Variants in RC3H1 observed in about 807,000 individuals in gnomAD.
The protein encoded by RC3H1 is ring finger and CCCH-type domains 1, also known as roquin-1.
RC3H1 carries 50 observed loss-of-function variants against 138.2 expected under a neutral mutation model. The ratio of observed to expected loss-of-function variants is 0.36; its 90% CI spans 0.29 to 0.46. The LOEUF (loss-of-function observed/expected upper bound fraction) is 0.46. Ranked by LOEUF, RC3H1 falls within the 20% of genes least tolerant of loss-of-function variation. The pLI is 1.00. For synonymous variants in RC3H1, 462 were observed against 489.1 expected, an observed-to-expected ratio of 0.94 and a Z score of 0.73; for missense variants, 1,031 against 1,388.1, an observed-to-expected ratio of 0.74 and a Z score of 4.09.
intron 18 of RC3H1, 82 bp from the exon 19 acceptor site, chr1:173,941,462 GTGA>G: frequency 1.3e-6 from 1 of 795,262 alleles, no homozygotes; most frequent in Non-Finnish European, 2.1e-6. Flanking sequence ...ATAATACAAA[GTGA>G]TGATCCAGAA....
chr1:174,018,365 G>T (rs1171503753), intron 1 of RC3H1, among the ~76,000 whole-genome samples: 2 of 151,928 alleles, frequency 1.3e-5, no homozygotes, highest in African/African-American at 4.8e-5. Context: ...AAGTAAACAA[G>T]AATATTATAT....
chr1:173,964,516 T>C (rs1017960107), intron 10 of RC3H1, among the ~76,000 whole-genome samples: 5 of 152,028 alleles, frequency 3.3e-5, no homozygotes, highest in Admixed American at 2.0e-4. Context: ...TACAGGCATG[T>C]GCCACCATGC....
At chr1:173,953,761 G>A (rs971067658) in intron 13 of RC3H1, among the ~76,000 whole-genome samples, 1 of 152,114 alleles carries the variant, frequency 6.6e-6, no homozygotes, top group African/African-American at 2.4e-5. Context: ...TAATGAGGCT[G>A]GGCAAGGTGG....
chr1:173,978,984 T>A lies in RC3H1; in HGVS notation c.970-364A>T, dbSNP rs192115869. 2.8e-3 allele frequency among the ~76,000 whole-genome samples: 434 copies of A among 152,334 alleles called. 1 individual carries two copies. The highest frequency in any genetic ancestry group is 9.6e-3 in the African/African-American group (400 of 41,572). ...GCTTTCCTCATCGCTTTTAATAAAT[T>A]CTCTTTTCTATTATCCAATATGGTG... On this transcript the variant is annotated intron_variant, in intron 6 of 19. Transcript: ENST00000367696.
intron 2 of RC3H1, among the ~76,000 whole-genome samples, chr1:173,986,716 C>A (rs940759818): frequency 6.6e-6 from 1 of 152,200 alleles, no homozygotes; most frequent in African/African-American, 2.4e-5. Context: ...GCATGCGCCA[C>A]CACGCCTGGC....
chr1:173,960,375 C>T (rs1157909587), intron 13 of RC3H1, among the ~76,000 whole-genome samples: 3 of 152,116 alleles, frequency 2.0e-5, no homozygotes, highest in African/African-American at 7.2e-5. Flanking sequence ...TTGGTGGCCA[C>T]ATTAACAACA....
intron 8 of RC3H1, among the ~76,000 whole-genome samples, chr1:173,970,818 G>C (rs1208673783): frequency 6.6e-6 from 1 of 152,072 alleles, no homozygotes; most frequent in Non-Finnish European, 1.5e-5. Flanking sequence ...AAAGAAGGTA[G>C]TCCTAATTTT....
chr1:173,980,068 G>T (rs1200305262), intron 6 of RC3H1, among the ~76,000 whole-genome samples: 3 of 148,244 alleles, frequency 2.0e-5, no homozygotes, highest in African/African-American at 7.4e-5. Context: ...TGGTAGAGAT[G>T]AGTGTCCCAA....
chr1:173,962,614 A>G (rs937708660), intron 11 of RC3H1, among the ~76,000 whole-genome samples: 1 of 152,238 alleles, frequency 6.6e-6, no homozygotes, highest in Non-Finnish European at 1.5e-5. Context: ...TGATCTTGGA[A>G]TTAAGCAGTT....
intron 1 of RC3H1, chr1:174,015,909 A>ATAAAAG (rs1237819452): frequency 2.0e-5 from 3 of 152,050 alleles, no homozygotes; most frequent in Non-Finnish European, 4.4e-5. Flanking sequence ...CTACTTCAAG[A>ATAAAAG]TAAAAGTTCG....
Position 173,938,799 on chromosome 1 carries a change from G to C in RC3H1, c.3324C>G (p.Asn1108Lys). Residue 1108 changes from asparagine to lysine, a missense_variant, in exon 20 of 20, where the codon AAC becomes AAG. Asn to Lys is a moderately conservative substitution (Grantham distance 94, BLOSUM62 0). This residue lies in a region of RC3H1 where 716 missense variants were observed against 837.9 expected (regional missense o/e 0.85). Transcript: ENST00000367696. ...SLLSNKTSSLNLSEDPEGGGD... is the reference protein window; with the variant it reads ...SLLSNKTSSLKLSEDPEGGGD... ...CTCCTCCCTCAGGGTCCTCTGACAG[G>C]TTCAGAGAGCTGGTCTTGTTTGATA... The C allele has an allele frequency of 6.2e-7, 1 of 1,612,564 alleles. No individual in the cohort carries two copies. The highest frequency in any genetic ancestry group is 8.5e-7 in the Non-Finnish European group (1 of 1,178,660).
chr1:173,981,692 T>G (rs1411441824), intron 5 of RC3H1, among the ~76,000 whole-genome samples: 1 of 152,194 alleles, frequency 6.6e-6, no homozygotes. Flanking sequence ...TGATTTAATT[T>G]GTACTTGGCT....
chr1:174,002,509 C>T (rs928830443), intron 1 of RC3H1, among the ~76,000 whole-genome samples: 5 of 152,200 alleles, frequency 3.3e-5, no homozygotes, highest in Admixed American at 2.6e-4. Context: ...TCTTTCCCCA[C>T]TGGCATGCTT....
intron 1 of RC3H1, among the ~76,000 whole-genome samples, chr1:174,003,997 CTCAG>C (rs1299864636): frequency 6.7e-6 from 1 of 150,026 alleles, no homozygotes; most frequent in African/African-American, 2.4e-5. Flanking sequence ...TGGTATGTCA[CTCAG>C]TCACTGAAGT....
intron 3 of RC3H1, among the ~76,000 whole-genome samples, chr1:173,983,919 G>C (rs1376041538): frequency 6.6e-6 from 1 of 152,080 alleles, no homozygotes; most frequent in Non-Finnish European, 1.5e-5. Context: ...TTTAATCATA[G>C]AGGAAGAAAG....
At chr1:173,995,953 G>C (rs576386066) in intron 1 of RC3H1, among the ~76,000 whole-genome samples, 1 of 152,154 alleles carries the variant, frequency 6.6e-6, no homozygotes, top group South Asian at 2.1e-4. Flanking sequence ...ACCAGAAATC[G>C]ATGCAATTGA....
chr1:173,939,800 A>C (rs989024845), intron 19 of RC3H1, among the ~76,000 whole-genome samples: 2 of 151,854 alleles, frequency 1.3e-5, no homozygotes, highest in African/African-American at 4.8e-5. Flanking sequence ...ATGCCATTGC[A>C]CTCCAGCCTG....
intron 13 of RC3H1, among the ~76,000 whole-genome samples, chr1:173,955,367 G>T (rs137897099): frequency 0.011 from 1,655 of 147,438 alleles, 40 homozygotes; most frequent in African/African-American, 0.04. Flanking sequence ...ACCTAGGTTG[G>T]AGTGCAGTGG....
intron 2 of RC3H1, among the ~76,000 whole-genome samples, chr1:173,987,282 C>T (rs996955004): frequency 3.3e-5 from 5 of 152,060 alleles, no homozygotes; most frequent in East Asian, 1.9e-4. Flanking sequence ...GAATTCTGCA[C>T]GGGAGATTTG....
Sources: gnomAD v4.1 joint callset for allele counts (sites outside exome capture counted in the v4.1 genomes callset) on GRCh38, gnomAD v4.1.1 for gene constraint, gnomAD v4.1.1 regional missense constraint, MANE v1.5 for transcripts, NCBI Gene and HGNC (gene_info 2026-07-23, HGNC 2026-07-21) for gene names.